Variants in ATP8B1 observed in about 807,000 individuals in gnomAD.
The protein encoded by ATP8B1 is phospholipid-transporting ATPase IC.
Under a neutral mutation model 149.9 loss-of-function variants are expected in ATP8B1, and 80 were observed. The ratio of observed to expected loss-of-function variants is 0.53; its 90% CI spans 0.45 to 0.64. The LOEUF is 0.64. ATP8B1 is among the 30% of genes least tolerant of loss of function. The probability of loss-of-function intolerance (pLI) is 0.00; values close to 1 mark genes in which losing one functional copy is unlikely to be tolerated. For synonymous variants in ATP8B1, 536 were observed against 562.8 expected (o/e 0.95, Z 0.67); for missense variants, 1,247 against 1,552.6 (o/e 0.80, Z 3.31).
intron 1 of ATP8B1, among the ~76,000 whole-genome samples, chr18:57,732,814 C>T (rs1343055646): frequency 1.4e-5 from 2 of 139,980 alleles, no homozygotes; most frequent in African/African-American, 2.7e-5. Context: ...CCACCCGCCT[C>T]GGCTTCCCAA....
intron 2 of ATP8B1, among the ~76,000 whole-genome samples, chr18:57,707,463 A>G (rs1913464815): frequency 6.6e-6 from 1 of 152,178 alleles, no homozygotes; most frequent in Admixed American, 6.5e-5. Flanking sequence ...AGAAATTAAC[A>G]ATGAGTGTGG....
Position 57,652,059 on chromosome 18 carries a change from G to C in ATP8B1, c.3375C>G (p.Leu1125=). ...CTGTAAATTGAAATGCAGATGGAAAGAGAACATGTATTCCAGCACTATGAA... is the reference window on the plus strand; with the variant it reads ...CTGTAAATTGAAATGCAGATGGAAACAGAACATGTATTCCAGCACTATGAA... The part of the protein sequence containing the change: ...FDFHSAGIHV[L]FPSAFQFTGT... Residue 1125 remains leucine (L), a synonymous_variant, in exon 26 of 28, where the codon CTC becomes CTG. Coordinates refer to ENST00000648908, the MANE Select transcript of ATP8B1 (RefSeq NM_001374385.1). 2 of 1,613,846 alleles carry C rather than the reference G, an allele frequency of 1.2e-6. No homozygotes were observed. The highest frequency in any genetic ancestry group is 1.3e-5 in the African/African-American group (1 of 75,038).
intron 6 of ATP8B1, among the ~76,000 whole-genome samples, chr18:57,700,467 T>C (rs1913061702): frequency 6.6e-6 from 1 of 152,222 alleles, no homozygotes; most frequent in Non-Finnish European, 1.5e-5. Flanking sequence ...TGTGAAAATC[T>C]TTAAAACAAT....
chr18:57,741,130 G>T, intron 1 of ATP8B1, among the ~76,000 whole-genome samples: 1 of 151,824 alleles, frequency 6.6e-6, no homozygotes, highest in East Asian at 1.9e-4. Context: ...TAGAGACAGG[G>T]TTTCACCATG....
At chr18:57,698,944 C>T (rs112673421) in intron 6 of ATP8B1, among the ~76,000 whole-genome samples, 4 of 152,300 alleles carry the variant, frequency 2.6e-5, no homozygotes, top group African/African-American at 9.6e-5. Flanking sequence ...GTAGGTGTCT[C>T]ATCTTCTGTC....
At chr18:57,675,293 A>G (rs1045492266) in intron 15 of ATP8B1, among the ~76,000 whole-genome samples, 3 of 152,246 alleles carry the variant, frequency 2.0e-5, no homozygotes, top group Admixed American at 1.3e-4. Flanking sequence ...CAGGAGAAAC[A>G]ACAGGTGTTG....
At chr18:57,719,968 A>AC (rs1204184944) in intron 2 of ATP8B1, among the ~76,000 whole-genome samples, 2 of 151,786 alleles carry the variant, frequency 1.3e-5, no homozygotes, top group Non-Finnish European at 1.5e-5. Context: ...ACTGGGAGGC[A>AC]CCCCCCAGCA....
At chr18:57,695,820 A>G (rs1458278317) in intron 8 of ATP8B1, among the ~76,000 whole-genome samples, 1 of 152,232 alleles carries the variant, frequency 6.6e-6, no homozygotes, top group Non-Finnish European at 1.5e-5. Flanking sequence ...TAACTTTACC[A>G]TCAGCTAGGA....
chr18:57,753,131 G>T (rs1340383073), intron 1 of ATP8B1, among the ~76,000 whole-genome samples: 2 of 152,156 alleles, frequency 1.3e-5, no homozygotes, highest in Admixed American at 6.6e-5. Context: ...AGAAAAAAAA[G>T]ATCTCTCTTG....
intron 1 of ATP8B1, among the ~76,000 whole-genome samples, chr18:57,758,285 C>T (rs576333986): frequency 9.2e-5 from 14 of 151,868 alleles, no homozygotes; most frequent in African/African-American, 3.1e-4. Context: ...TTGTTCCCAC[C>T]CACCCTTTGT....
rs145660399 is a variant in ATP8B1 at position 57,768,386 on chromosome 18, C to CAAAAAAAAAA, written c.-26+34602_-26+34611dup. On this transcript the variant is annotated intron_variant, in intron 1 of 27. Transcript: ENST00000648908. The stretch of plus-strand genomic sequence containing the variant: ...TGGGCAACAGAGTGAGACCCTGTCT[C>CAAAAAAAAAA]AAAAAAAAAAAAAAAAAAAAAAAAG... Among the ~76,000 whole-genome samples, 28 of 68,174 alleles carry CAAAAAAAAAA rather than the reference C, an allele frequency of 4.1e-4. No homozygotes were observed. The East Asian group carries it at 5.3e-3, about 13-fold the overall frequency. The allele number at this position is 68,174 out of a possible 152,430, so 44.7% of individuals were successfully genotyped here.
At chr18:57,773,247 A>G (rs1467811535) in intron 1 of ATP8B1, among the ~76,000 whole-genome samples, 1 of 151,762 alleles carries the variant, frequency 6.6e-6, no homozygotes, top group African/African-American at 2.4e-5. Flanking sequence ...ACCCTGACCA[A>G]GGACTCCAGG....
At chr18:57,673,961 A>G (rs1432630429) in intron 16 of ATP8B1, among the ~76,000 whole-genome samples, 3 of 152,154 alleles carry the variant, frequency 2.0e-5, no homozygotes, top group African/African-American at 7.2e-5. Flanking sequence ...CCTGCCATCA[A>G]GTACAGAAGA....
rs556626014 is a variant in ATP8B1, at chr18:57,739,712, G to T, written c.-25-7880C>A. Among the ~76,000 whole-genome samples the T allele has an allele frequency of 2.0e-5, 3 of 152,294 alleles. No homozygotes were observed. The East Asian group carries it at 5.8e-4, about 29-fold the overall frequency. On this transcript the variant is annotated intron_variant, in intron 1 of 27. Transcript: ENST00000648908. ...GATGAAAGATTGAGGGCAATGATGG[G>T]AGAAAACAGCAACAGTTAAGGTCAG...
At chr18:57,723,954 G>A (rs62092582) in intron 2 of ATP8B1, among the ~76,000 whole-genome samples, 2 of 137,254 alleles carry the variant, frequency 1.5e-5, no homozygotes, top group African/African-American at 6.1e-5. Flanking sequence ...CGCATACCTA[G>A]AACTATCTGA....
At chr18:57,713,191 CTTTCT>C in intron 2 of ATP8B1, among the ~76,000 whole-genome samples, 46 of 85,630 alleles carry the variant, frequency 5.4e-4, no homozygotes, top group Non-Finnish European at 9.3e-4. Context: ...TTCTTTCTTT[CTTTCT>C]TTCCTTCCTT....
Position 57,789,520 on chromosome 18 carries a change from T to C in ATP8B1, c.-26+13478A>G, listed in dbSNP as rs2080441086. Among the ~76,000 whole-genome samples, 3 of 152,208 alleles carry C rather than the reference T, an allele frequency of 2.0e-5. No individual in the cohort carries two copies. The South Asian group carries it at 6.2e-4, about 31-fold the overall frequency. ...GCAGCACCACTTTGTTATACTACCC[T>C]ACACACATGAAAAGAGTGATTTGGT... On this transcript the variant is annotated intron_variant, in intron 1 of 27. Coordinates refer to ENST00000648908, the MANE Select transcript of ATP8B1 (RefSeq NM_001374385.1).
intron 1 of ATP8B1, among the ~76,000 whole-genome samples, chr18:57,770,576 G>A (rs926734666): frequency 4.6e-5 from 7 of 152,202 alleles, no homozygotes; most frequent in African/African-American, 1.7e-4. Flanking sequence ...CCAAATTGTT[G>A]AGGCAGGAGC....
chr18:57,714,785 A>C (rs963970357), intron 2 of ATP8B1, among the ~76,000 whole-genome samples: 1 of 152,214 alleles, frequency 6.6e-6, no homozygotes. Flanking sequence ...ATAATATCCA[A>C]GTTCTTTTGA....
Sources: gnomAD v4.1 joint callset for allele counts (sites outside exome capture counted in the v4.1 genomes callset) on GRCh38, gnomAD v4.1.1 for gene constraint, MANE v1.5 for transcripts, NCBI Gene and HGNC (gene_info 2026-07-23, HGNC 2026-07-21) for gene names.